The following GXYLT1 variants were observed in gnomAD, a reference collection of about 807,000 sequenced individuals.
The protein encoded by GXYLT1 is glucoside xylosyltransferase 1, also known as glycosyltransferase 8 domain containing 3.
Under a neutral mutation model 54.0 loss-of-function variants are expected in GXYLT1, and 29 were observed. The observed-to-expected ratio is 0.54, with a 90% CI of 0.40 to 0.73. The LOEUF is 0.73. Among genes scored for constraint, GXYLT1 ranks in the 30% least tolerant of loss-of-function variants. The probability of loss-of-function intolerance (pLI) is 0.00; values close to 1 mark genes in which losing one functional copy is unlikely to be tolerated. For synonymous variants in GXYLT1, 176 were observed against 204.1 expected (o/e 0.86, Z 1.17); for missense variants, 490 against 553.4 (o/e 0.89, Z 1.15).
chr12:42,132,772 T>C (rs2065599786), intron 1 of GXYLT1, among the ~76,000 whole-genome samples: 2 of 151,916 alleles, frequency 1.3e-5, no homozygotes, highest in Non-Finnish European at 1.5e-5. Flanking sequence ...TTGGGGGCAA[T>C]GTTTTTGTTT....
intron 2 of GXYLT1, among the ~76,000 whole-genome samples, chr12:42,123,329 T>C (rs1052252676): frequency 6.6e-6 from 1 of 152,202 alleles, no homozygotes; most frequent in Non-Finnish European, 1.5e-5. Context: ...TCTATGTATT[T>C]AGGGGTGTGT....
intron 1 of GXYLT1, among the ~76,000 whole-genome samples, chr12:42,143,868 G>A (rs2065664852): frequency 6.6e-6 from 1 of 152,134 alleles, no homozygotes; most frequent in African/African-American, 2.4e-5. Context: ...AATAAACTGA[G>A]TGTTTCCAAA....
intron 1 of GXYLT1, among the ~76,000 whole-genome samples, chr12:42,139,732 C>T (rs550316529): frequency 6.6e-6 from 1 of 152,264 alleles, no homozygotes; most frequent in East Asian, 1.9e-4. Flanking sequence ...CCACTATGAT[C>T]CTTCAATGAC....
At chr12:42,101,127 A>G (rs1465970806) in intron 5 of GXYLT1, among the ~76,000 whole-genome samples, 1 of 152,150 alleles carries the variant, frequency 6.6e-6, no homozygotes, top group African/African-American at 2.4e-5. Flanking sequence ...TGCTAATGAT[A>G]TAACCTAGAT....
intron 3 of GXYLT1, among the ~76,000 whole-genome samples, chr12:42,112,518 G>A (rs148521474): frequency 1.1e-4 from 17 of 152,240 alleles, no homozygotes; most frequent in South Asian, 2.1e-4. Context: ...TAGCCAATGC[G>A]ACCAACTGGA....
chr12:42,132,500 C>T (rs887941994), intron 1 of GXYLT1, among the ~76,000 whole-genome samples: 1 of 152,168 alleles, frequency 6.6e-6, no homozygotes, highest in Non-Finnish European at 1.5e-5. Context: ...GCCTAAGAAA[C>T]AAATTACCCA....
At chr12:42,115,056 A>G (rs200111564) in intron 3 of GXYLT1, among the ~76,000 whole-genome samples, 1 of 152,038 alleles carries the variant, frequency 6.6e-6, no homozygotes, top group Non-Finnish European at 1.5e-5. Context: ...TAGATGCAGA[A>G]AAGGCTTTTG....
rs551363730 is a variant in GXYLT1 at position 42,103,423 on chromosome 12, G to A, written c.864+2395C>T. On this transcript the variant is annotated intron_variant, in intron 5 of 7. Transcript: ENST00000398675. ...GGTTAAGAACCATGAAGCAACAATC[G>A]TGGATCTGTATAAAACAGTTTGGAA... 1.8e-4 allele frequency among the ~76,000 whole-genome samples: 27 copies of A among 152,248 alleles called. No homozygotes were observed. In the South Asian group the frequency reaches 2.7e-3, roughly 15 times the overall value.
Position 42,144,735 on chromosome 12 carries a change from G to C in GXYLT1, c.-89C>G. ...GGAGGGGCACCGCGCAGCCGCGGGC[G>C]CAACAAGTTCCTCACCCGCAGCCGC... On this transcript the variant is annotated 5_prime_UTR_variant, in exon 1 of 8. Coordinates refer to ENST00000398675, the MANE Select transcript of GXYLT1 (RefSeq NM_173601.2). The C allele has an allele frequency of 1.9e-6, 2 of 1,047,024 alleles. 1 individual carries two copies. Among genetic ancestry groups the C allele is most frequent in the South Asian group, 5.0e-5 (2 of 39,746 alleles). The allele number at this position is 1,047,024 out of a possible 1,614,324, so 64.9% of individuals were successfully genotyped here.
At chr12:42,118,478 T>C (rs1464499968) in intron 3 of GXYLT1, among the ~76,000 whole-genome samples, 4 of 152,224 alleles carry the variant, frequency 2.6e-5, no homozygotes, top group Non-Finnish European at 5.9e-5. Context: ...TCACGTTAGA[T>C]CTGGACTCAG....
In GXYLT1 at chr12:42,119,162, C is replaced by T. The variant is rs771631434; in HGVS notation, c.324G>A (p.Leu108=). ...CFWEAAFRYS[L]KIQPVEKMHL... is the part of the protein sequence containing the mutation. ...GCATTTTCTCAACAGGCTGTATTTT[C>T]AGACTGTACCTAATAGGAAAGAAAA... is the stretch of plus-strand genomic sequence containing the variant. The change falls in exon 3 of 8, where the codon CTG becomes CTA. Residue 108 remains leucine (L), a synonymous_variant. Coordinates refer to ENST00000398675, the MANE Select transcript of GXYLT1 (RefSeq NM_173601.2). 9.3e-6 allele frequency: 15 copies of T among 1,613,560 alleles called. No individual in the cohort carries two copies. The African/African-American group carries it at 1.2e-4, about 13-fold the overall frequency.
intron 1 of GXYLT1, among the ~76,000 whole-genome samples, chr12:42,137,778 A>AAAAAAG (rs2065629098): frequency 1.3e-5 from 2 of 150,768 alleles, no homozygotes; most frequent in African/African-American, 2.4e-5. Context: ...AAAAAAAAAA[A>AAAAAAG]GTCAGTGATA....
In GXYLT1 at chr12:42,087,880, A is replaced by C. The variant is rs769776316; in HGVS notation, c.1229T>G (p.Val410Gly). The change falls in exon 8 of 8, where the codon GTG (valine) becomes GGG (glycine). Residue 410 changes from valine to glycine, a missense_variant. By Grantham distance (109) the Val-to-Gly change is moderately radical. Around this residue, in one of 2 missense-constraint regions of GXYLT1, gnomAD observed 342 missense variants for 342.6 expected, o/e 1.00. Coordinates refer to ENST00000398675, the MANE Select transcript of GXYLT1 (RefSeq NM_173601.2). ...GTAAATTTTTCCACAGTATGTATGC[A>C]CTGTTTTTTGTAGTTCCAGTTCTAA... is the stretch of plus-strand genomic sequence containing the variant. ...KPLELELQKT[V>G]HTYCGKIYKI... The C allele has an allele frequency of 1.9e-6, 3 of 1,595,808 alleles. No homozygotes were observed. The highest frequency in any genetic ancestry group is 1.7e-6 in the Non-Finnish European group (2 of 1,166,928).
At chr12:42,101,610 C>T (rs939264824) in intron 5 of GXYLT1, among the ~76,000 whole-genome samples, 2 of 151,174 alleles carry the variant, frequency 1.3e-5, no homozygotes, top group African/African-American at 2.4e-5. Flanking sequence ...CTCACTCTGT[C>T]GCCCAGGCTG....
intron 3 of GXYLT1, among the ~76,000 whole-genome samples, 159 bp downstream of exon 3, chr12:42,118,841 G>A (rs144199929): frequency 1.1e-4 from 17 of 152,276 alleles, no homozygotes; most frequent in African/African-American, 3.8e-4. Context: ...GGCCTCTCCA[G>A]CAATGCTGAA....
chr12:42,119,846 C>T (rs2065519970), intron 2 of GXYLT1, among the ~76,000 whole-genome samples: 1 of 152,140 alleles, frequency 6.6e-6, no homozygotes, highest in African/African-American at 2.4e-5. Context: ...GGGCAAACAT[C>T]AAATTACAAA....
rs769052076 is a variant in GXYLT1, at chr12:42,097,964, T to C, written c.934A>G (p.Asn312Asp). 2 of 1,603,332 alleles carry C rather than the reference T, an allele frequency of 1.2e-6. No individual in the cohort carries two copies. The highest frequency in any genetic ancestry group is 1.7e-6 in the Non-Finnish European group (2 of 1,171,226). ...AGATCTTGATCACCCCATGTGATGTTTAGTTTGTATTTTTTAAGCAATGGC... is the reference window on the plus strand; with the variant it reads ...AGATCTTGATCACCCCATGTGATGTCTAGTTTGTATTTTTTAAGCAATGGC... Reference protein sequence around the residue: ...LMPLLKKYKLNITWGDQDLLN... With the variant: ...LMPLLKKYKLDITWGDQDLLN... Residue 312 changes from asparagine (N) to aspartate (D), a missense_variant, in exon 6 of 8, where the codon AAC (asparagine) becomes GAC (aspartate). Asn to Asp is a conservative substitution (Grantham distance 23, BLOSUM62 1). This residue lies in a region of GXYLT1 where 342 missense variants were observed against 342.6 expected (regional missense o/e 1.00). Transcript: ENST00000398675.
rs982080558 is a variant in GXYLT1 at position 42,097,392 on chromosome 12, T to C, written c.1161+50A>G. On this transcript the variant is annotated intron_variant, in intron 7 of 7. Transcript: ENST00000398675. ...TATTTTTGTAAACTAACCATTAGCT[T>C]GAAAGTATTTTCAAACAAAAAGTTA... The C allele has an allele frequency of 9.9e-6, 14 of 1,413,734 alleles. No homozygotes were observed. The Admixed American group carries it at 1.5e-4, about 15-fold the overall frequency. The allele number at this position is 1,413,734 out of a possible 1,614,324, so 87.6% of individuals were successfully genotyped here.
intron 1 of GXYLT1, among the ~76,000 whole-genome samples, chr12:42,130,493 G>A (rs903694018): frequency 6.6e-6 from 1 of 151,944 alleles, no homozygotes; most frequent in Non-Finnish European, 1.5e-5. Context: ...GGTATGAAGA[G>A]AAAAGGAAAC....
Sources: gnomAD v4.1 joint callset for allele counts (sites outside exome capture counted in the v4.1 genomes callset) on GRCh38, gnomAD v4.1.1 for gene constraint, gnomAD v4.1.1 regional missense constraint, MANE v1.5 for transcripts, NCBI Gene and HGNC (gene_info 2026-07-23, HGNC 2026-07-21) for gene names.